HHIP: variants seen among roughly 807,000 people sequenced by gnomAD.
The protein encoded by HHIP is hedgehog interacting protein.
In HHIP, 12 loss-of-function variants were observed where a neutral mutation model predicts 74.0. That is an observed-to-expected ratio of 0.16 (90% CI 0.10 to 0.26). The LOEUF (loss-of-function observed/expected upper bound fraction) is 0.26. HHIP is among the 10% of genes least tolerant of loss of function. HHIP has a pLI of 1.00. For missense variants in HHIP, 788 were observed against 845.0 expected (o/e 0.93, Z 0.84); for synonymous variants, 309 against 311.6 (o/e 0.99, Z 0.09).
intron 1 of HHIP, among the ~76,000 whole-genome samples, chr4:144,647,816 T>G (rs573035448): frequency 1.3e-5 from 2 of 152,152 alleles, no homozygotes; most frequent in Non-Finnish European, 2.9e-5. Context: ...CATTGCTGGC[T>G]CACATCATTA....
intron 4 of HHIP, among the ~76,000 whole-genome samples, chr4:144,697,596 T>C (rs1729856039): frequency 6.6e-6 from 1 of 152,094 alleles, no homozygotes; most frequent in African/African-American, 2.4e-5. Flanking sequence ...CAATCTCTAA[T>C]ATGCCGTAAT....
chr4:144,700,855 C>T lies in HHIP; in HGVS notation c.832-5676C>T, dbSNP rs559682961. Among the ~76,000 whole-genome samples, 18 of 152,236 alleles carry T rather than the reference C, an allele frequency of 1.2e-4. 1 individual carries two copies. In the East Asian group the frequency reaches 3.1e-3, roughly 26 times the overall value. ...CAAAGTTTGTGGTAAATTTTCATAG[C>T]AGCAATAGAAAATGAATACAATCTG... On this transcript the variant is annotated intron_variant, in intron 4 of 12. Transcript: ENST00000296575.
intron 4 of HHIP, among the ~76,000 whole-genome samples, chr4:144,700,692 G>C (rs1186720793): frequency 6.6e-6 from 1 of 152,116 alleles, no homozygotes; most frequent in Non-Finnish European, 1.5e-5. Context: ...TCCATAATTG[G>C]AAAATGAAAG....
intron 4 of HHIP, among the ~76,000 whole-genome samples, chr4:144,686,657 T>C (rs939067657): frequency 6.6e-6 from 1 of 152,182 alleles, no homozygotes; most frequent in Non-Finnish European, 1.5e-5. Context: ...ATAAAATTTC[T>C]AAAAACAACT....
At chr4:144,672,522 G>C (rs11938839) in intron 4 of HHIP, among the ~76,000 whole-genome samples, 54,682 of 151,692 alleles carry the variant, frequency 0.36, 11,206 homozygotes, top group South Asian at 0.52. Flanking sequence ...AGTTGTAGGA[G>C]ATGAGATTGC....
chr4:144,717,735 G>GTCTC (rs546804167), intron 10 of HHIP, among the ~76,000 whole-genome samples: 13 of 151,012 alleles, frequency 8.6e-5, no homozygotes, highest in African/African-American at 2.9e-4. Context: ...GAGCATCAAG[G>GTCTC]TCTCTCTCTC....
chr4:144,704,934 A>G (rs1730089499), intron 4 of HHIP, among the ~76,000 whole-genome samples: 1 of 152,232 alleles, frequency 6.6e-6, no homozygotes, highest in Non-Finnish European at 1.5e-5. Context: ...CATCGAGTCA[A>G]TATTAAAATC....
chr4:144,711,914 G>T (rs182054084), intron 7 of HHIP, 36 bp from the exon 8 acceptor site: 3 of 1,594,368 alleles, frequency 1.9e-6, no homozygotes, highest in Admixed American at 1.7e-5. Flanking sequence ...AAAAGATCAC[G>T]GTAGGAATTA....
chr4:144,740,775 A>T lies in HHIP; in HGVS notation c.*2818A>T, dbSNP rs1731245358. ...AGCACACAGTCTCGAATGGAAGAAA[A>T]AAAGGTCCTTCGTAAGAATACTGAT... On this transcript the variant is annotated 3_prime_UTR_variant, in exon 13 of 13. Coordinates refer to ENST00000296575, the MANE Select transcript of HHIP (RefSeq NM_022475.3). The T allele has an allele frequency of 6.6e-6, 1 of 152,226 alleles. No homozygotes were observed. Among genetic ancestry groups the T allele is most frequent in the Non-Finnish European group, 1.5e-5 (1 of 68,032 alleles). 9.4% of individuals were successfully genotyped at this position (152,226 alleles called of 1,614,324 possible).
chr4:144,708,354 C>T (rs200281139), intron 7 of HHIP, 43 bp downstream of exon 7: 32 of 1,604,238 alleles, frequency 2.0e-5, no homozygotes, highest in Admixed American at 6.7e-5. Context: ...TTAAGCCAGG[C>T]GGGGATCCGA....
intron 4 of HHIP, among the ~76,000 whole-genome samples, chr4:144,665,989 C>G (rs888633315): frequency 6.6e-6 from 1 of 152,096 alleles, no homozygotes; most frequent in African/African-American, 2.4e-5. Flanking sequence ...AAGTGAAAAA[C>G]CGGGAAATCT....
intron 4 of HHIP, among the ~76,000 whole-genome samples, chr4:144,692,230 T>C (rs962134900): frequency 5.9e-5 from 9 of 151,936 alleles, no homozygotes; most frequent in African/African-American, 1.9e-4. Context: ...TTAAATTATT[T>C]CCCCCAAGTC....
Position 144,734,828 on chromosome 4 carries a change from C to T in HHIP, c.1848C>T (p.Tyr616=), listed in dbSNP as rs1469694655. Reference sequence around the variant, plus strand: ...GCTCCAGGCTCTGTCGAAACGGCTACTGCACCCCCACGGGAAAGTGCTGCT... The same window carrying T: ...GCTCCAGGCTCTGTCGAAACGGCTATTGCACCCCCACGGGAAAGTGCTGCT... The part of the protein sequence containing the change: ...SECSRLCRNG[Y]CTPTGKCCCS... Residue 616 remains tyrosine (Y), a synonymous_variant, in exon 12 of 13, where the codon TAC becomes TAT. Coordinates refer to ENST00000296575, the MANE Select transcript of HHIP (RefSeq NM_022475.3). 1.9e-6 allele frequency: 3 copies of T among 1,612,940 alleles called. No homozygotes were observed. The highest frequency in any genetic ancestry group is 2.7e-5 in the African/African-American group (2 of 74,920).
chr4:144,714,534 G>A (rs1398988002), intron 9 of HHIP, among the ~76,000 whole-genome samples, 186 bp downstream of exon 9: 2 of 152,070 alleles, frequency 1.3e-5, no homozygotes, highest in African/African-American at 4.8e-5. Flanking sequence ...CCAAAAAGAT[G>A]CTCTCTCAAC....
rs1242967504 is a variant in HHIP, at chr4:144,737,878, G to C, written c.2024G>C (p.Arg675Thr). ...QCEQVDRNIR[R>T]VTRAGILDQI... ...GAACAAGTGGACAGAAACATCCGCAGAGTGACCAGGGCAGGTATTCTTGAT... is the reference window on the plus strand; with the variant it reads ...GAACAAGTGGACAGAAACATCCGCACAGTGACCAGGGCAGGTATTCTTGAT... Residue 675 changes from arginine to threonine, a missense_variant, in exon 13 of 13, where the codon AGA (arginine) becomes ACA (threonine). Coordinates refer to ENST00000296575, the MANE Select transcript of HHIP (RefSeq NM_022475.3). 6.2e-7 allele frequency: 1 copy of C among 1,613,858 alleles called. No homozygotes were observed. The highest frequency in any genetic ancestry group is 2.2e-5 in the East Asian group (1 of 44,868).
chr4:144,654,305 C>A (rs1002717464), intron 2 of HHIP, among the ~76,000 whole-genome samples: 2 of 152,152 alleles, frequency 1.3e-5, no homozygotes, highest in Admixed American at 6.5e-5. Context: ...TGACGAATGA[C>A]AAATTTATTT....
intron 4 of HHIP, among the ~76,000 whole-genome samples, chr4:144,666,248 C>CGTGT (rs5862718): frequency 2.0e-4 from 29 of 143,370 alleles, no homozygotes; most frequent in South Asian, 7.2e-4. Context: ...ATACTACAGT[C>CGTGT]GTGTGTGTGT....
intron 1 of HHIP, among the ~76,000 whole-genome samples, chr4:144,649,809 T>C (rs1480982424): frequency 6.6e-6 from 1 of 152,186 alleles, no homozygotes; most frequent in African/African-American, 2.4e-5. Context: ...ACAAAGGCTA[T>C]TGTTGAACAC....
At chr4:144,669,978 T>TAA (rs34093429) in intron 4 of HHIP, among the ~76,000 whole-genome samples, 1,957 of 135,664 alleles carry the variant, frequency 0.014, 20 homozygotes, top group South Asian at 0.023. Flanking sequence ...CGTCTCTACT[T>TAA]AAAAAAAAAA....
Sources: gnomAD v4.1 joint callset for allele counts (sites outside exome capture counted in the v4.1 genomes callset) on GRCh38, gnomAD v4.1.1 for gene constraint, MANE v1.5 for transcripts, NCBI Gene and HGNC (gene_info 2026-07-23, HGNC 2026-07-21) for gene names.